SH3GL2: variants seen among roughly 807,000 people sequenced by gnomAD.
The protein encoded by SH3GL2 is SH3 domain containing GRB2 like 2, endophilin A1, also known as endophilin-A1.
Under a neutral mutation model 46.0 loss-of-function variants are expected in SH3GL2, and 24 were observed. That is an observed-to-expected ratio of 0.52 (90% confidence interval 0.38 to 0.73). The LOEUF (loss-of-function observed/expected upper bound fraction) is 0.73. Ranked by LOEUF, SH3GL2 falls within the 30% of genes least tolerant of loss-of-function variation. SH3GL2 has a pLI of 0.00. For missense variants in SH3GL2, 413 were observed against 424.2 expected, an observed-to-expected ratio of 0.97 and a Z score of 0.23; for synonymous variants, 196 against 147.1, an observed-to-expected ratio of 1.33 and a Z score of -2.40.
chr9:17,611,605 A>G (rs991250796), intron 1 of SH3GL2, among the ~76,000 whole-genome samples: 2 of 152,206 alleles, frequency 1.3e-5, no homozygotes, highest in Non-Finnish European at 2.9e-5. Context: ...TACTGAGTTC[A>G]TGATCTTACA....
intron 1 of SH3GL2, among the ~76,000 whole-genome samples, chr9:17,668,426 C>T (rs1820395357): frequency 6.6e-6 from 1 of 152,072 alleles, no homozygotes; most frequent in African/African-American, 2.4e-5. Flanking sequence ...CAATCAGATG[C>T]CCAAAAATTT....
At position 17,740,123 on chromosome 9, in the gene SH3GL2, T is replaced by C. The variant is rs576895777; in HGVS notation, c.46-6943T>C. Among the ~76,000 whole-genome samples, 9 of 152,278 alleles carry C rather than the reference T, an allele frequency of 5.9e-5. No individual in the cohort carries two copies. The South Asian group carries it at 1.7e-3, about 28-fold the overall frequency. ...GGAAACTTTCCAATTTTCTTAAATA[T>C]ACAATTTTTTGATAGTGAGAAATAA... On this transcript the variant is annotated intron_variant, in intron 1 of 8. Transcript: ENST00000380607.
At chr9:17,790,050 C>G (rs1186210831) in intron 6 of SH3GL2, among the ~76,000 whole-genome samples, 1 of 152,112 alleles carries the variant, frequency 6.6e-6, no homozygotes, top group African/African-American at 2.4e-5. Context: ...AGTTGTGGAG[C>G]AGGGGGCATC....
chr9:17,635,687 A>C lies in SH3GL2; in HGVS notation c.45+56400A>C, dbSNP rs1819527128. 3.3e-5 allele frequency among the ~76,000 whole-genome samples: 5 copies of C among 152,298 alleles called. 1 individual carries two copies. The South Asian group carries it at 1.0e-3, about 32-fold the overall frequency. ...CTGTGAGATTGGGTGCTCTGAGTGTACACAACAGAGGAAATCTGGCTGGTC... is the reference window on the plus strand; with the variant it reads ...CTGTGAGATTGGGTGCTCTGAGTGTCCACAACAGAGGAAATCTGGCTGGTC... On this transcript the variant is annotated intron_variant, in intron 1 of 8. Transcript: ENST00000380607.
At chr9:17,770,374 A>T (rs147558651) in intron 3 of SH3GL2, among the ~76,000 whole-genome samples, 59 of 152,324 alleles carry the variant, frequency 3.9e-4, no homozygotes, top group African/African-American at 1.3e-3. Flanking sequence ...TCCAAGGCAC[A>T]TTCTGTTTTC....
chr9:17,681,383 T>A (rs1207190290), intron 1 of SH3GL2, among the ~76,000 whole-genome samples: 1 of 152,186 alleles, frequency 6.6e-6, no homozygotes, highest in East Asian at 1.9e-4. Flanking sequence ...CCGCTGTCTC[T>A]TGATTTATCA....
At chr9:17,670,280 T>A (rs142331171) in intron 1 of SH3GL2, among the ~76,000 whole-genome samples, 1 of 152,188 alleles carries the variant, frequency 6.6e-6, no homozygotes, top group Non-Finnish European at 1.5e-5. Context: ...ATGTTTGCAG[T>A]CTGATCTTCC....
At chr9:17,662,021 T>C (rs188981455) in intron 1 of SH3GL2, among the ~76,000 whole-genome samples, 3 of 152,314 alleles carry the variant, frequency 2.0e-5, no homozygotes, top group African/African-American at 7.2e-5. Context: ...CCCAGTATAA[T>C]TTTACTCTTT....
chr9:17,674,352 C>T (rs185570229), intron 1 of SH3GL2, among the ~76,000 whole-genome samples: 157 of 152,110 alleles, frequency 1.0e-3, no homozygotes, highest in African/African-American at 3.7e-3. Context: ...CTGAAACCTC[C>T]GCCTCACGAG....
chr9:17,793,024 C>G (rs544274253), intron 7 of SH3GL2, among the ~76,000 whole-genome samples: 2 of 152,296 alleles, frequency 1.3e-5, no homozygotes, highest in South Asian at 4.1e-4. Context: ...TGCATCCCCT[C>G]AAGCATTTAT....
chr9:17,587,049 A>G (rs1818391021), intron 1 of SH3GL2, among the ~76,000 whole-genome samples: 1 of 152,176 alleles, frequency 6.6e-6, no homozygotes, highest in Admixed American at 6.5e-5. Context: ...TAAAAATGGG[A>G]AAATTAGCCA....
At chr9:17,689,759 C>G (rs1711863287) in intron 1 of SH3GL2, among the ~76,000 whole-genome samples, 2 of 152,078 alleles carry the variant, frequency 1.3e-5, no homozygotes, top group African/African-American at 2.4e-5. Context: ...TTAGAAAAGC[C>G]TCTTCTGACC....
chr9:17,582,181 A>AT (rs1818289838), intron 1 of SH3GL2, among the ~76,000 whole-genome samples: 1 of 152,210 alleles, frequency 6.6e-6, no homozygotes, highest in South Asian at 2.1e-4. Context: ...AGTTATTTTC[A>AT]ATATGTTTAC....
intron 1 of SH3GL2, among the ~76,000 whole-genome samples, chr9:17,715,791 C>G (rs974520650): frequency 1.3e-5 from 2 of 151,822 alleles, no homozygotes; most frequent in African/African-American, 4.8e-5. Context: ...CCTAATATAC[C>G]AAACATTATA....
chr9:17,604,993 T>G (rs1588167700), intron 1 of SH3GL2, among the ~76,000 whole-genome samples: 1 of 122,578 alleles, frequency 8.2e-6, no homozygotes. Context: ...TTTTTTTTTT[T>G]TGAAATGGGG....
At chr9:17,651,349 CT>C (rs1819954657) in intron 1 of SH3GL2, among the ~76,000 whole-genome samples, 1 of 151,948 alleles carries the variant, frequency 6.6e-6, no homozygotes, top group Admixed American at 6.5e-5. Context: ...CGAGTATCTT[CT>C]TTCTGCATTT....
intron 1 of SH3GL2, among the ~76,000 whole-genome samples, chr9:17,671,853 T>C (rs540953077): frequency 6.6e-6 from 1 of 152,356 alleles, no homozygotes; most frequent in East Asian, 1.9e-4. Flanking sequence ...GGACTTGATT[T>C]CCTTGAGATA....
intron 1 of SH3GL2, among the ~76,000 whole-genome samples, chr9:17,606,902 G>T (rs1440458766): frequency 1.3e-5 from 2 of 152,216 alleles, no homozygotes; most frequent in Admixed American, 1.3e-4. Flanking sequence ...GTCAGCAGTA[G>T]AAAGTAAGAC....
intron 7 of SH3GL2, 34 bp downstream of exon 7, chr9:17,791,368 T>A (rs759729857): frequency 7.6e-7 from 1 of 1,318,802 alleles, no homozygotes; most frequent in Non-Finnish European, 1.1e-6. Context: ...CACATTTGCA[T>A]TTTATTGCTA....
Sources: gnomAD v4.1 joint callset for allele counts (sites outside exome capture counted in the v4.1 genomes callset) on GRCh38, gnomAD v4.1.1 for gene constraint, MANE v1.5 for transcripts, NCBI Gene and HGNC (gene_info 2026-07-23, HGNC 2026-07-21) for gene names.